OR6N1: variants seen among roughly 807,000 people sequenced by gnomAD.
The protein encoded by OR6N1 is olfactory receptor family 6 subfamily N member 1, also known as olfactory receptor 6N1.
For synonymous variants in OR6N1, 170 were observed against 150.7 expected (o/e 1.13, Z -0.94); for missense variants, 394 against 371.7 (o/e 1.06, Z -0.49).
chr1:158,804,947 T>A, the OR6N1 span, among the ~76,000 whole-genome samples: 1 of 152,164 alleles, frequency 6.6e-6, no homozygotes, highest in Non-Finnish European at 1.5e-5. Flanking sequence ...TCAAATCACC[T>A]GATTATTTTT....
the OR6N1 span, among the ~76,000 whole-genome samples, chr1:158,816,649 C>T: frequency 6.6e-6 from 1 of 151,748 alleles, no homozygotes; most frequent in Non-Finnish European, 1.5e-5. Flanking sequence ...GAGATGTGCC[C>T]TTGCACTCCA....
the OR6N1 span, among the ~76,000 whole-genome samples, chr1:158,793,227 CCTT>C: frequency 6.6e-6 from 1 of 150,922 alleles, no homozygotes; most frequent in African/African-American, 2.4e-5. Context: ...TTTTGTATCT[CCTT>C]GAGTAACTTA....
the OR6N1 span, among the ~76,000 whole-genome samples, chr1:158,779,005 C>A: frequency 5.7e-5 from 4 of 69,772 alleles, no homozygotes; most frequent in Non-Finnish European, 1.0e-4. Flanking sequence ...GGCGACAGTG[C>A]GAGACTGCGT....
the OR6N1 span, among the ~76,000 whole-genome samples, chr1:158,811,878 G>A: frequency 6.6e-6 from 1 of 152,128 alleles, no homozygotes; most frequent in Non-Finnish European, 1.5e-5. Context: ...TGTTTGGAGA[G>A]TTTCACTTTA....
the OR6N1 span, among the ~76,000 whole-genome samples, chr1:158,830,340 G>T: frequency 6.6e-6 from 1 of 151,996 alleles, no homozygotes; most frequent in African/African-American, 2.4e-5. Flanking sequence ...GCTTTAGTGG[G>T]GTTTAGACAG....
At chr1:158,803,302 G>T in the OR6N1 span, among the ~76,000 whole-genome samples, 2 of 152,120 alleles carry the variant, frequency 1.3e-5, no homozygotes, top group African/African-American at 2.4e-5. Context: ...CAATATGAGG[G>T]TCTCATTCAA....
chr1:158,780,263 A>T, the OR6N1 span, among the ~76,000 whole-genome samples: 379 of 152,280 alleles, frequency 2.5e-3, 1 homozygote, highest in African/African-American at 8.7e-3. Flanking sequence ...TCCCCTTTAT[A>T]CAAGTTAGCT....
chr1:158,781,694 G>A, the OR6N1 span, among the ~76,000 whole-genome samples: 1,354 of 152,150 alleles, frequency 8.9e-3, 23 homozygotes, highest in African/African-American at 0.031. Context: ...TTCTTCCTTT[G>A]AGAATCCTCT....
At chr1:158,801,805 C>G in the OR6N1 span, among the ~76,000 whole-genome samples, 4 of 152,108 alleles carry the variant, frequency 2.6e-5, no homozygotes, top group Non-Finnish European at 5.9e-5. Context: ...TAGTCCTTAT[C>G]TGGGAAAGAT....
chr1:158,767,641 C>T (rs1266579795), intron 1 of OR6N1, among the ~76,000 whole-genome samples: 5 of 152,138 alleles, frequency 3.3e-5, no homozygotes, highest in African/African-American at 1.2e-4. Flanking sequence ...AACTATTATA[C>T]AGCTCTTTCA....
the OR6N1 span, among the ~76,000 whole-genome samples, chr1:158,807,580 A>G: frequency 2.8e-3 from 431 of 152,352 alleles, 16 homozygotes; most frequent in East Asian, 0.078. Context: ...ATTTGGTCAC[A>G]TAATAACCCA....
chr1:158,825,549 G>A, the OR6N1 span, among the ~76,000 whole-genome samples: 1 of 151,878 alleles, frequency 6.6e-6, no homozygotes, highest in East Asian at 1.9e-4. Context: ...AATAATTAGA[G>A]AAATGCAAGT....
the OR6N1 span, among the ~76,000 whole-genome samples, chr1:158,788,932 T>C: frequency 6.6e-6 from 1 of 152,138 alleles, no homozygotes; most frequent in East Asian, 1.9e-4. Context: ...TATTTAGAAG[T>C]TAGAATATTT....
chr1:158,786,703 T>C, the OR6N1 span, among the ~76,000 whole-genome samples: 1 of 152,214 alleles, frequency 6.6e-6, no homozygotes, highest in Non-Finnish European at 1.5e-5. Flanking sequence ...TTGCAGCAAG[T>C]TGGATGGAGC....
At chr1:158,818,534 G>A in the OR6N1 span, among the ~76,000 whole-genome samples, 17,538 of 152,072 alleles carry the variant, frequency 0.12, 1,351 homozygotes, top group South Asian at 0.31. Context: ...GAGTGGGGAG[G>A]CACTCTAAAA....
the OR6N1 span, among the ~76,000 whole-genome samples, chr1:158,787,465 A>T: frequency 3.6e-4 from 55 of 152,304 alleles, 1 homozygote; most frequent in African/African-American, 1.2e-3. Context: ...AGCAATATGT[A>T]AACAAATAAA....
At chr1:158,805,154 A>G in the OR6N1 span, among the ~76,000 whole-genome samples, 1 of 152,202 alleles carries the variant, frequency 6.6e-6, no homozygotes, top group East Asian at 1.9e-4. Flanking sequence ...CACTGGATAC[A>G]TTGATAGTAT....
chr1:158,765,837 T>C lies in OR6N1; in HGVS notation c.846A>G (p.Thr282=). 1 of 1,614,046 alleles carries C rather than the reference T, an allele frequency of 6.2e-7. No homozygotes were observed. The highest frequency in any genetic ancestry group is 8.5e-7 in the Non-Finnish European group (1 of 1,179,978). ...QALAVVYSVL[T]PFLNPFIYSL... ...TGTAGATGAAGGGGTTGAGGAAGGG[T>C]GTGAGCACTGAGTAGACCACTGCCA... Residue 282 remains threonine, a synonymous_variant, in exon 2 of 2, where the codon ACA becomes ACG. Transcript: ENST00000641846.
the OR6N1 span, among the ~76,000 whole-genome samples, chr1:158,817,939 A>C: frequency 6.6e-6 from 1 of 152,230 alleles, no homozygotes; most frequent in African/African-American, 2.4e-5. Flanking sequence ...TAGATATTTC[A>C]GGAGACTAAG....
Sources: gnomAD v4.1 joint callset for allele counts (sites outside exome capture counted in the v4.1 genomes callset) on GRCh38, gnomAD v4.1.1 for gene constraint, MANE v1.5 for transcripts, NCBI Gene and HGNC (gene_info 2026-07-23, HGNC 2026-07-21) for gene names.